Variants in PCDHGA5 observed in about 807,000 individuals in gnomAD.
PCDHGA5 encodes protocadherin gamma subfamily A, 5, also known as protocadherin gamma-A5.
PCDHGA5 carries 36 observed loss-of-function variants against 56.7 expected under a neutral mutation model. The ratio of observed to expected loss-of-function variants is 0.64; its 90% CI spans 0.49 to 0.84. The LOEUF is 0.84. PCDHGA5 is among the 40% of genes least tolerant of loss of function. The pLI, the probability that PCDHGA5 is intolerant of heterozygous loss-of-function variation, is 0.00. For synonymous variants in PCDHGA5, 563 were observed against 520.2 expected (o/e 1.08, Z -1.12); for missense variants, 1,305 against 1,201.5 (o/e 1.09, Z -1.27).
At position 141,365,095 on chromosome 5, in the gene PCDHGA5, A is replaced by G; in HGVS notation, c.765A>G (p.Ile255Met). Reference protein sequence around the residue: ...SEYSVSVPENIPVGTRLLMLT... With the variant: ...SEYSVSVPENMPVGTRLLMLT... ...ACAGCGTGAGTGTTCCAGAGAACAT[A>G]CCTGTGGGCACTCGGCTGCTCATGC... The change falls in exon 1 of 4, where the codon ATA becomes ATG. Residue 255 changes from isoleucine to methionine, a missense_variant. By Grantham distance (10) the Ile-to-Met change is conservative. Coordinates refer to ENST00000518069, the MANE Select transcript of PCDHGA5 (RefSeq NM_018918.3). The G allele has an allele frequency of 1.2e-6, 2 of 1,613,810 alleles. No individual in the cohort carries two copies. The highest frequency in any genetic ancestry group is 1.7e-6 in the Non-Finnish European group (2 of 1,179,876).
At chr5:141,506,597 C>T (rs937487600) in intron 3 of PCDHGA5, among the ~76,000 whole-genome samples, 4 of 152,150 alleles carry the variant, frequency 2.6e-5, no homozygotes, top group Admixed American at 6.5e-5. Context: ...ACAGTATTAA[C>T]GGATCTCATT....
In PCDHGA5 at chr5:141,505,090, A is replaced by C. The variant is rs1018571873; in HGVS notation, c.2481-303A>C. Among the ~76,000 whole-genome samples the C allele has an allele frequency of 3.9e-5, 6 of 152,188 alleles. 1 individual carries two copies. The South Asian group carries it at 1.2e-3, about 31-fold the overall frequency. ...GGCAGGAGAATCGCTTGAACCCAGG[A>C]GGTGGATGTTGCAATGAGCCAAGAT... On this transcript the variant is annotated intron_variant, in intron 2 of 3. Transcript: ENST00000518069.
At chr5:141,469,743 A>G (rs1166798506) in intron 1 of PCDHGA5, among the ~76,000 whole-genome samples, 1 of 152,252 alleles carries the variant, frequency 6.6e-6, no homozygotes, top group Non-Finnish European at 1.5e-5. Context: ...CACCTCAAAA[A>G]TTACAAAAAT....
chr5:141,385,442 G>T, intron 1 of PCDHGA5: 1 of 1,450,070 alleles, frequency 6.9e-7, no homozygotes, highest in Non-Finnish European at 9.1e-7. Context: ...AGGTAAAAAT[G>T]AGTTTACCAG....
chr5:141,405,599 A>G, intron 1 of PCDHGA5: 2 of 575,638 alleles, frequency 3.5e-6, no homozygotes, highest in South Asian at 4.5e-5. Flanking sequence ...CCTCCCAAGT[A>G]GAATAACTGG....
rs1265360670 is a variant in PCDHGA5, at chr5:141,435,001, T to A, written c.2422-59806T>A. On this transcript the variant is annotated intron_variant, in intron 1 of 3. Transcript: ENST00000518069. ...TACTCTATATCATTTTCTAGCTGAATTTATCAATGATAATGCTCTTTTCCC... is the reference window on the plus strand; with the variant it reads ...TACTCTATATCATTTTCTAGCTGAAATTATCAATGATAATGCTCTTTTCCC... Among the ~76,000 whole-genome samples the A allele has an allele frequency of 3.9e-5, 6 of 152,120 alleles. No homozygotes were observed. In the East Asian group the frequency reaches 1.2e-3, roughly 29 times the overall value.
Position 141,372,663 on chromosome 5 carries a change from G to A in PCDHGA5, c.2421+5912G>A, listed in dbSNP as rs971560361. 2.5e-6 allele frequency: 4 copies of A among 1,613,876 alleles called. No homozygotes were observed. In the African/African-American group the frequency reaches 5.3e-5, roughly 22 times the overall value. On this transcript the variant is annotated intron_variant, in intron 1 of 3. Coordinates refer to ENST00000518069, the MANE Select transcript of PCDHGA5 (RefSeq NM_018918.3). ...GCCTTATTCCTACAATCCGTGTGCT[G>A]CCTCACATTCCTCAAACACCGAGTT...
chr5:141,431,227 C>G lies in PCDHGA5; in HGVS notation c.2422-63580C>G. ...CTGAGATGCGGTTCCCTCTACCCCA[C>G]GCCTGGGATCCGGATATCGGGAAGA... On this transcript the variant is annotated intron_variant, in intron 1 of 3. Coordinates refer to ENST00000518069, the MANE Select transcript of PCDHGA5 (RefSeq NM_018918.3). This position sits in a 1 kb window ranked among gnomAD's most constrained non-coding sequence, Gnocchi z 4.8. 6.2e-7 allele frequency: 1 copy of G among 1,614,180 alleles called. No individual in the cohort carries two copies. Among genetic ancestry groups the G allele is most frequent in the Non-Finnish European group, 8.5e-7 (1 of 1,180,042 alleles).
chr5:141,432,209 A>C lies in PCDHGA5; in HGVS notation c.2422-62598A>C, dbSNP rs1473794319. ...CGCCCACGACCCCGACTGTGAAGAGAACGCCCAGATCACTTATTCCCTGGC... is the reference window on the plus strand; with the variant it reads ...CGCCCACGACCCCGACTGTGAAGAGCACGCCCAGATCACTTATTCCCTGGC... On this transcript the variant is annotated intron_variant, in intron 1 of 3. Transcript: ENST00000518069. This position sits in a 1 kb window ranked among gnomAD's most constrained non-coding sequence, Gnocchi z 6.0. 2 of 1,614,098 alleles carry C rather than the reference A, an allele frequency of 1.2e-6. No homozygotes were observed. Among genetic ancestry groups the C allele is most frequent in the Non-Finnish European group, 8.5e-7 (1 of 1,180,032 alleles).
chr5:141,374,065 A>G (rs776038796), intron 1 of PCDHGA5: 1 of 1,497,724 alleles, frequency 6.7e-7, no homozygotes, highest in Non-Finnish European at 8.9e-7. Flanking sequence ...ATCCCAGAGA[A>G]GTTCCTAATA....
At chr5:141,444,637 G>C (rs2098443357) in intron 1 of PCDHGA5, among the ~76,000 whole-genome samples, 1 of 152,236 alleles carries the variant, frequency 6.6e-6, no homozygotes, top group Non-Finnish European at 1.5e-5. Context: ...CCAGTTCATT[G>C]AGGTAGGGGT....
At chr5:141,384,870 C>G in intron 1 of PCDHGA5, 4 of 1,613,806 alleles carry the variant, frequency 2.5e-6, no homozygotes, top group South Asian at 1.1e-5. Context: ...TGTCAGCCAC[C>G]GTCACACTCA....
chr5:141,459,992 C>T (rs1327580257), intron 1 of PCDHGA5, among the ~76,000 whole-genome samples: 1 of 152,126 alleles, frequency 6.6e-6, no homozygotes, highest in Admixed American at 6.5e-5. Flanking sequence ...ACAGGAGAAT[C>T]GCTTGAACCC....
At chr5:141,461,507 T>C (rs1271911872) in intron 1 of PCDHGA5, among the ~76,000 whole-genome samples, 1 of 152,316 alleles carries the variant, frequency 6.6e-6, no homozygotes, top group East Asian at 1.9e-4. Context: ...TTCTTGGTGA[T>C]TTGTTAGTTC....
intron 1 of PCDHGA5, chr5:141,384,840 G>C: frequency 6.2e-7 from 1 of 1,613,610 alleles, no homozygotes; most frequent in African/African-American, 1.3e-5. Flanking sequence ...TGGCCGTCCA[G>C]GACCACGGTC....
intron 1 of PCDHGA5, chr5:141,413,487 G>A (rs1190400492): frequency 1.9e-6 from 3 of 1,613,928 alleles, no homozygotes; most frequent in African/African-American, 2.7e-5. Context: ...CTCAGAGCGC[G>A]CGGTGCGTGG....
At chr5:141,388,209 G>A in intron 1 of PCDHGA5, 1 of 1,586,286 alleles carries the variant, frequency 6.3e-7, no homozygotes, top group Non-Finnish European at 8.6e-7. Context: ...ATTTGAGGCT[G>A]TTGCTGAAAA....
intron 1 of PCDHGA5, among the ~76,000 whole-genome samples, chr5:141,381,695 T>C (rs1479367517): frequency 6.6e-6 from 1 of 152,164 alleles, no homozygotes; most frequent in Non-Finnish European, 1.5e-5. Flanking sequence ...CAAACAACGA[T>C]TTCTTTCTTT....
chr5:141,475,343 G>C (rs1425482944), intron 1 of PCDHGA5, among the ~76,000 whole-genome samples: 3 of 152,178 alleles, frequency 2.0e-5, no homozygotes, highest in Non-Finnish European at 2.9e-5. Context: ...ATGACATCCA[G>C]TTTTAAAAGA....
Sources: allele counts gnomAD v4.1 joint callset (sites outside exome capture counted in the v4.1 genomes callset), GRCh38; gene constraint gnomAD v4.1.1; non-coding constraint Gnocchi (gnomAD v3.1); transcripts MANE v1.5; gene names NCBI Gene and HGNC (gene_info 2026-07-23, HGNC 2026-07-21).